The following POLR3C variants were observed in gnomAD, a reference collection of about 807,000 sequenced individuals.
The protein encoded by POLR3C is RNA polymerase III subunit C, also known as DNA-directed RNA polymerase III subunit RPC3.
Under a neutral mutation model 65.9 loss-of-function variants are expected in POLR3C, and 44 were observed. The ratio of observed to expected loss-of-function variants is 0.67; its 90% CI spans 0.52 to 0.86. The LOEUF is 0.86. Among genes scored for constraint, POLR3C ranks in the 40% least tolerant of loss-of-function variants. POLR3C has a pLI of 0.00. For synonymous variants in POLR3C, 263 were observed against 231.6 expected, an observed-to-expected ratio of 1.14 and a Z score of -1.23; for missense variants, 576 against 653.2, an observed-to-expected ratio of 0.88 and a Z score of 1.29.
chr1:145,824,239 G>T lies in POLR3C; in HGVS notation c.-151G>T. ...TTTTTGCTTTTCCGCGTCTTCTTCG[G>T]TGGCGATCCGCGTCCTAGAAAGGGC... is the stretch of plus-strand genomic sequence containing the variant. On this transcript the variant is annotated 5_prime_UTR_variant, in exon 1 of 15. Coordinates refer to ENST00000334163, the MANE Select transcript of POLR3C (RefSeq NM_006468.8). The T allele has an allele frequency of 3.7e-6, 1 of 271,742 alleles. No individual in the cohort carries two copies. Among genetic ancestry groups the T allele is most frequent in the South Asian group, 3.5e-5 (1 of 28,944 alleles). 16.8% of individuals were successfully genotyped at this position (271,742 alleles called of 1,614,324 possible).
chr1:145,836,828 G>T lies in POLR3C; in HGVS notation c.971G>T (p.Gly324Val). 1 of 1,594,208 alleles carries T rather than the reference G, an allele frequency of 6.3e-7. No homozygotes were observed. Among genetic ancestry groups the T allele is most frequent in the South Asian group, 1.1e-5 (1 of 90,066 alleles). Residue 324 changes from glycine to valine, a missense_variant, in exon 9 of 15, where the codon GGA becomes GTA. Gly to Val is a moderately radical substitution (Grantham distance 109). Transcript: ENST00000334163. ...LLADDPLEFV[G>V]KSGDSGGGMY... The stretch of plus-strand genomic sequence containing the variant: ...TTTTCTTAATAGCTAGAGTTTGTTG[G>T]AAAGTCTGGCGACAGTGGTGGAGGA...
chr1:145,836,812 T>G lies in POLR3C; in HGVS notation c.958-3T>G. The G allele has an allele frequency of 6.4e-7, 1 of 1,569,292 alleles. No homozygotes were observed. Among genetic ancestry groups the G allele is most frequent in the East Asian group, 2.2e-5 (1 of 44,664 alleles). Reference sequence around the variant, plus strand: ...AGTTAACACTCTCTCTTTTTCTTAATAGCTAGAGTTTGTTGGAAAGTCTGG... The same window carrying G: ...AGTTAACACTCTCTCTTTTTCTTAAGAGCTAGAGTTTGTTGGAAAGTCTGG... On this transcript the variant is annotated splice_region_variant and splice_polypyrimidine_tract_variant and intron_variant, in intron 8 of 14. Transcript: ENST00000334163.
Position 145,842,452 on chromosome 1 carries a change from G to C in POLR3C, c.*32G>C, listed in dbSNP as rs782110565. ...AGAAGCATCTTCCTCAGAAGATCTG[G>C]GGGGATGGAAAGCAAAATAAAGGAG... On this transcript the variant is annotated 3_prime_UTR_variant, in exon 15 of 15. Coordinates refer to ENST00000334163, the MANE Select transcript of POLR3C (RefSeq NM_006468.8). 2 of 1,447,922 alleles carry C rather than the reference G, an allele frequency of 1.4e-6. No individual in the cohort carries two copies. Among genetic ancestry groups the C allele is most frequent in the South Asian group, 2.3e-5 (2 of 87,830 alleles). The allele number at this position is 1,447,922 out of a possible 1,614,324, so 89.7% of individuals were successfully genotyped here. A position where few individuals can be genotyped will look rare whatever the true frequency, so the allele number is the denominator to read the frequency against.
Position 145,840,170 on chromosome 1 carries a change from G to C in POLR3C, c.1373+5G>C. 6.4e-7 allele frequency: 1 copy of C among 1,559,528 alleles called. No individual in the cohort carries two copies. Among genetic ancestry groups the C allele is most frequent in the Non-Finnish European group, 8.8e-7 (1 of 1,130,248 alleles). On this transcript the variant is annotated splice_donor_5th_base_variant and intron_variant, in intron 13 of 14. Coordinates refer to ENST00000334163, the MANE Select transcript of POLR3C (RefSeq NM_006468.8). ...ATTTGAAACCAAAGAGAATAAGTAA[G>C]TAACATTTTCAGTTGAGTTATTTAC...
chr1:145,833,147 C>T (rs1157899755), intron 5 of POLR3C, 113 bp from the exon 6 acceptor site: 33 of 634,390 alleles, frequency 5.2e-5, no homozygotes, highest in Admixed American at 2.2e-4. Flanking sequence ...GATTTTTTTC[C>T]AACCAATGTA....
intron 13 of POLR3C, 100 bp from the exon 14 acceptor site, chr1:145,840,822 C>G (rs1395458174): frequency 1.3e-6 from 1 of 760,212 alleles, no homozygotes; most frequent in African/African-American, 1.7e-5. Context: ...CTACTTTGAT[C>G]AGGAAAATGG....
intron 7 of POLR3C, among the ~76,000 whole-genome samples, chr1:145,834,755 G>C (rs1651659667): frequency 1.3e-5 from 2 of 152,104 alleles, no homozygotes; most frequent in African/African-American, 4.8e-5. Context: ...GTATAATATG[G>C]GACCACAGCT....
At chr1:145,836,683 C>A in intron 8 of POLR3C, 109 bp downstream of exon 8, 1 of 935,842 alleles carries the variant, frequency 1.1e-6, no homozygotes, top group Non-Finnish European at 1.8e-6. Context: ...CTCTACCTAG[C>A]CAGCCCAGAC....
Position 145,842,465 on chromosome 1 carries a change from C to A in POLR3C, c.*45C>A. On this transcript the variant is annotated 3_prime_UTR_variant, in exon 15 of 15. Coordinates refer to ENST00000334163, the MANE Select transcript of POLR3C (RefSeq NM_006468.8). ...TCAGAAGATCTGGGGGGATGGAAAG[C>A]AAAATAAAGGAGGTGCCTGGATGCA... 1 of 1,288,800 alleles carries A rather than the reference C, an allele frequency of 7.8e-7. No individual in the cohort carries two copies. The highest frequency in any genetic ancestry group is 1.1e-6 in the Non-Finnish European group (1 of 885,340). 79.8% of individuals were successfully genotyped at this position (1,288,800 alleles called of 1,614,324 possible).
Position 145,836,856 on chromosome 1 carries a change from G to A in POLR3C, c.999G>A (p.Met333Ile). ...AGTCTGGCGACAGTGGTGGAGGAAT[G>A]TATGTCATCAGTATCCTTACCAGTT... ...VGKSGDSGGG[M>I]YVINLHKALA... Residue 333 changes from methionine to isoleucine, a missense_variant, in exon 9 of 15, where the codon ATG (methionine) becomes ATA (isoleucine). Met to Ile is a conservative substitution (Grantham distance 10). Coordinates refer to ENST00000334163, the MANE Select transcript of POLR3C (RefSeq NM_006468.8). 3.2e-6 allele frequency: 5 copies of A among 1,578,896 alleles called. No individual in the cohort carries two copies. The highest frequency in any genetic ancestry group is 1.7e-4 in the Middle Eastern group (1 of 5,994).
chr1:145,824,513 A>G, intron 1 of POLR3C, 144 bp downstream of exon 1: 1 of 1,288,586 alleles, frequency 7.8e-7, no homozygotes, highest in Non-Finnish European at 1.0e-6. Flanking sequence ...GGATCTGGGA[A>G]TGCTTCTCCA....
chr1:145,824,377 GA>G lies in POLR3C; in HGVS notation c.-21+12del. On this transcript the variant is annotated intron_variant, in intron 1 of 14. Coordinates refer to ENST00000334163, the MANE Select transcript of POLR3C (RefSeq NM_006468.8). ...GATTGCGCTGACCCTGAGGTTAGTG[GA>G]AAATGCTGTCTGAACGTGGCGGCAC... 2.4e-6 allele frequency: 1 copy of G among 415,256 alleles called. No individual in the cohort carries two copies. The highest frequency in any genetic ancestry group is 4.7e-6 in the Non-Finnish European group (1 of 213,014). The allele number at this position is 415,256 out of a possible 1,614,324, so 25.7% of individuals were successfully genotyped here.
At position 145,842,544 on chromosome 1, in the gene POLR3C, C is replaced by T. The variant is rs1652372659; in HGVS notation, c.*124C>T. ...CTTCAACTAAACCCCCCTCTCTATCCCCTGCAGCCCAGGATACACCTGAAA... is the reference window on the plus strand; with the variant it reads ...CTTCAACTAAACCCCCCTCTCTATCTCCTGCAGCCCAGGATACACCTGAAA... On this transcript the variant is annotated 3_prime_UTR_variant, in exon 15 of 15. Transcript: ENST00000334163. The T allele has an allele frequency of 6.8e-6, 5 of 732,888 alleles. No homozygotes were observed. In the Admixed American group the frequency reaches 9.8e-5, roughly 14 times the overall value. 45.4% of individuals were successfully genotyped at this position (732,888 alleles called of 1,614,324 possible).
intron 5 of POLR3C, among the ~76,000 whole-genome samples, chr1:145,830,477 G>T (rs1004246541): frequency 8.5e-5 from 13 of 152,074 alleles, no homozygotes; most frequent in African/African-American, 3.1e-4. Context: ...AAGGGACTAG[G>T]GGTGATACCC....
intron 5 of POLR3C, among the ~76,000 whole-genome samples, chr1:145,831,556 A>G (rs1651330725): frequency 6.6e-6 from 1 of 151,698 alleles, no homozygotes; most frequent in African/African-American, 2.4e-5. Context: ...ATAGAGTAAC[A>G]GATTTGGAAA....
intron 2 of POLR3C, 147 bp downstream of exon 2, chr1:145,826,070 A>T (rs1324677962): frequency 1.5e-6 from 1 of 682,764 alleles, no homozygotes. Flanking sequence ...GGAGAAAAGG[A>T]TGAGACTTAG....
At chr1:145,834,353 G>A (rs1179144786) in intron 7 of POLR3C, among the ~76,000 whole-genome samples, 2 of 152,124 alleles carry the variant, frequency 1.3e-5, no homozygotes, top group African/African-American at 4.8e-5. Flanking sequence ...TACACGCTCA[G>A]GCTACACTGT....
In POLR3C at chr1:145,841,622, G is replaced by A. The variant is rs74227622; in HGVS notation, c.1523+551G>A. The stretch of plus-strand genomic sequence containing the variant: ...CAGTTTTAGATTGTTCATTGCTAGT[G>A]TTATACAAAAACAACCAACTTTGGT... On this transcript the variant is annotated intron_variant, in intron 14 of 14. Coordinates refer to ENST00000334163, the MANE Select transcript of POLR3C (RefSeq NM_006468.8). Among the ~76,000 whole-genome samples the A allele has an allele frequency of 2.3e-3, 344 of 152,220 alleles. 4 individuals carry two copies. The East Asian group carries it at 0.033, about 14-fold the overall frequency.
In POLR3C at chr1:145,843,236, C is replaced by A. The variant is rs1652425340; in HGVS notation, c.*816C>A. Reference sequence around the variant, plus strand: ...TGTATGTAGAACAGCTAGCTCAATGCCTGGCATATGGTAAGCACACAGTAA... The same window carrying A: ...TGTATGTAGAACAGCTAGCTCAATGACTGGCATATGGTAAGCACACAGTAA... On this transcript the variant is annotated 3_prime_UTR_variant, in exon 15 of 15. Transcript: ENST00000334163. Among the ~76,000 whole-genome samples the A allele has an allele frequency of 6.6e-6, 1 of 152,146 alleles. No homozygotes were observed. The highest frequency in any genetic ancestry group is 1.5e-5 in the Non-Finnish European group (1 of 68,036).
Sources: allele counts gnomAD v4.1 joint callset (sites outside exome capture counted in the v4.1 genomes callset), GRCh38; gene constraint gnomAD v4.1.1; transcripts MANE v1.5; gene names NCBI Gene and HGNC (gene_info 2026-07-23, HGNC 2026-07-21).